CDH12: variants seen among roughly 807,000 people sequenced by gnomAD.
The protein encoded by CDH12 is cadherin-12.
In CDH12, 41 loss-of-function variants were observed where a neutral mutation model predicts 74.1. The ratio of observed to expected loss-of-function variants is 0.55; its 90% CI spans 0.43 to 0.72. CDH12 has a LOEUF of 0.72. Ranked by LOEUF, CDH12 falls within the 30% of genes least tolerant of loss-of-function variation. The probability of loss-of-function intolerance (pLI) is 0.00; values close to 1 mark genes in which losing one functional copy is unlikely to be tolerated. For synonymous variants in CDH12, 399 were observed against 355.0 expected (o/e 1.12, Z -1.39); for missense variants, 945 against 977.2 (o/e 0.97, Z 0.44).
chr5:22,545,774 C>T (rs1456315174), intron 1 of CDH12, among the ~76,000 whole-genome samples: 5 of 152,112 alleles, frequency 3.3e-5, no homozygotes, highest in African/African-American at 1.2e-4. Flanking sequence ...TTATTTGACA[C>T]CTTTGAATTA....
intron 6 of CDH12, among the ~76,000 whole-genome samples, chr5:21,968,082 C>T (rs1756668611): frequency 6.6e-6 from 1 of 152,106 alleles, no homozygotes; most frequent in East Asian, 1.9e-4. Flanking sequence ...GTAGAAAGGG[C>T]AATGGTAAAT....
At chr5:22,687,986 A>C (rs190695268) in intron 1 of CDH12, among the ~76,000 whole-genome samples, 7 of 152,276 alleles carry the variant, frequency 4.6e-5, no homozygotes, top group Admixed American at 4.6e-4. Context: ...AGATGCCTTG[A>C]GATGGCCAAT....
At chr5:22,713,428 A>T (rs1743397804) in intron 1 of CDH12, among the ~76,000 whole-genome samples, 2 of 151,902 alleles carry the variant, frequency 1.3e-5, no homozygotes, top group Admixed American at 6.6e-5. Context: ...GGCATGAGCC[A>T]CCGCACCCGG....
intron 3 of CDH12, among the ~76,000 whole-genome samples, chr5:22,366,705 G>A (rs948993294): frequency 6.6e-6 from 1 of 152,084 alleles, no homozygotes; most frequent in Non-Finnish European, 1.5e-5. Flanking sequence ...ATAAATAGTG[G>A]AATAAATAAA....
intron 6 of CDH12, among the ~76,000 whole-genome samples, chr5:21,882,099 C>T (rs1017312288): frequency 6.6e-6 from 1 of 152,116 alleles, no homozygotes. Flanking sequence ...TTAATTAGAG[C>T]CAATGTTCAG....
chr5:22,737,668 A>G (rs1744811332), intron 1 of CDH12, among the ~76,000 whole-genome samples: 1 of 152,100 alleles, frequency 6.6e-6, no homozygotes, highest in South Asian at 2.1e-4. Context: ...CGACAAACTT[A>G]TGACATTTTA....
At chr5:21,769,439 C>T (rs1201203853) in intron 11 of CDH12, among the ~76,000 whole-genome samples, 1 of 151,984 alleles carries the variant, frequency 6.6e-6, no homozygotes, top group African/African-American at 2.4e-5. Flanking sequence ...TGTAAAATGA[C>T]AATTGTACAC....
intron 5 of CDH12, among the ~76,000 whole-genome samples, chr5:22,066,502 C>T (rs1741572966): frequency 6.6e-6 from 1 of 152,104 alleles, no homozygotes; most frequent in African/African-American, 2.4e-5. Flanking sequence ...GTCAGCGGAC[C>T]AATGAAGTTC....
chr5:22,263,557 A>T (rs1453913977), intron 3 of CDH12, among the ~76,000 whole-genome samples: 1 of 152,100 alleles, frequency 6.6e-6, no homozygotes, highest in Non-Finnish European at 1.5e-5. Flanking sequence ...CATCCTGGCC[A>T]TTTTGTAACT....
chr5:22,763,821 C>A (rs889365958), intron 1 of CDH12, among the ~76,000 whole-genome samples: 1 of 151,734 alleles, frequency 6.6e-6, no homozygotes, highest in Middle Eastern at 3.2e-3. Context: ...AAATGAAATG[C>A]AGTAAATTTT....
intron 2 of CDH12, among the ~76,000 whole-genome samples, chr5:22,425,043 G>C (rs1651421403): frequency 7.0e-6 from 1 of 143,654 alleles, no homozygotes; most frequent in African/African-American, 2.6e-5. Flanking sequence ...ACTGGATAGA[G>C]GCTAGAGAAT....
intron 5 of CDH12, among the ~76,000 whole-genome samples, chr5:22,065,213 T>C (rs1051227473): frequency 3.3e-5 from 5 of 152,098 alleles, no homozygotes; most frequent in African/African-American, 1.2e-4. Flanking sequence ...TGCATGGCCC[T>C]GAAGTTGAGG....
At chr5:21,764,639 A>G (rs1744910035) in intron 12 of CDH12, among the ~76,000 whole-genome samples, 1 of 136,486 alleles carries the variant, frequency 7.3e-6, no homozygotes, top group South Asian at 2.5e-4. Context: ...ACAGAGCAAG[A>G]CTTCATATCA....
chr5:22,751,975 A>G (rs865779852), intron 1 of CDH12, among the ~76,000 whole-genome samples: 55 of 152,182 alleles, frequency 3.6e-4, no homozygotes, highest in African/African-American at 1.2e-3. Flanking sequence ...TTGAAGAGTG[A>G]TCAGCTACAA....
At chr5:21,880,342 T>C (rs1337749792) in intron 6 of CDH12, among the ~76,000 whole-genome samples, 1 of 152,210 alleles carries the variant, frequency 6.6e-6, no homozygotes, top group African/African-American at 2.4e-5. Context: ...GAGTCATGCT[T>C]ATGTCTTTCT....
intron 5 of CDH12, among the ~76,000 whole-genome samples, chr5:22,004,151 C>A (rs2150146512): frequency 6.6e-6 from 1 of 152,274 alleles, no homozygotes; most frequent in East Asian, 1.9e-4. Flanking sequence ...CTCTTCCGTT[C>A]TTCTAAAACA....
chr5:21,932,663 G>C (rs1006613692), intron 6 of CDH12, among the ~76,000 whole-genome samples: 6 of 151,976 alleles, frequency 3.9e-5, no homozygotes, highest in African/African-American at 1.2e-4. Flanking sequence ...TACTTTCGGA[G>C]GCCAAGGCAG....
rs1752681536 is a variant in CDH12, at chr5:22,239,705, C to A, written c.-332-27062G>T. 2.0e-5 allele frequency among the ~76,000 whole-genome samples: 3 copies of A among 152,128 alleles called. No homozygotes were observed. The South Asian group carries it at 6.2e-4, about 32-fold the overall frequency. ...AAACTGTAAAAGAAACATACTATTT[C>A]AGGTGGCAACAGTGAAGTGCCAGCA... On this transcript the variant is annotated intron_variant, in intron 3 of 14. Transcript: ENST00000382254.
At chr5:22,534,056 A>G (rs948991056) in intron 1 of CDH12, among the ~76,000 whole-genome samples, 1 of 152,102 alleles carries the variant, frequency 6.6e-6, no homozygotes, top group Non-Finnish European at 1.5e-5. Context: ...GTTGATTCTA[A>G]AATGTGCTAT....
Sources: gnomAD v4.1 joint callset for allele counts (sites outside exome capture counted in the v4.1 genomes callset) on GRCh38, gnomAD v4.1.1 for gene constraint, MANE v1.5 for transcripts, NCBI Gene and HGNC (gene_info 2026-07-23, HGNC 2026-07-21) for gene names.